CLNS1A: variants seen among roughly 807,000 people sequenced by gnomAD.
CLNS1A encodes chloride nucleotide-sensitive channel 1A, also known as methylosome subunit pICln.
In CLNS1A, 16 loss-of-function variants were observed where a neutral mutation model predicts 29.4. The observed-to-expected ratio is 0.54, with a 90% CI of 0.37 to 0.83. The LOEUF is 0.83. CLNS1A is among the 40% of genes least tolerant of loss of function. The pLI is 0.00. For missense variants in CLNS1A, 235 were observed against 287.4 expected, an observed-to-expected ratio of 0.82 and a Z score of 1.32; for synonymous variants, 96 against 104.8, an observed-to-expected ratio of 0.92 and a Z score of 0.51.
intron 4 of CLNS1A, among the ~76,000 whole-genome samples, chr11:77,623,874 T>C (rs1306519686): frequency 6.6e-6 from 1 of 152,200 alleles, no homozygotes; most frequent in Non-Finnish European, 1.5e-5. Flanking sequence ...CATTCTGGTC[T>C]GGGGGAGGCA....
At position 77,616,374 on chromosome 11, in the gene CLNS1A, C is replaced by G. The variant is rs1233349771; in HGVS notation, c.*344G>C. On this transcript the variant is annotated 3_prime_UTR_variant, in exon 7 of 7. Transcript: ENST00000525428. ...CCCCGCAGTCTACCAAGCTCCTGTG[C>G]ATTTTCACCACATAGATCTGCTAGC... 6.6e-6 allele frequency: 1 copy of G among 152,492 alleles called. No individual in the cohort carries two copies. The highest frequency in any genetic ancestry group is 6.5e-5 in the Admixed American group (1 of 15,280). 9.4% of individuals were successfully genotyped at this position (152,492 alleles called of 1,614,324 possible).
Position 77,614,981 on chromosome 11 carries a change from G to A in CLNS1A, c.*1737C>T, listed in dbSNP as rs545451541. 16 of 152,238 alleles carry A rather than the reference G, an allele frequency of 1.1e-4. No individual in the cohort carries two copies. The highest frequency in any genetic ancestry group is 3.6e-4 in the African/African-American group (15 of 41,516). 9.4% of individuals were successfully genotyped at this position (152,238 alleles called of 1,614,324 possible). ...CAGCTCAATCTTTGAAAGTCACTTA[G>A]TCTAATGAGGAAATAAGCCCAGAGA... On this transcript the variant is annotated 3_prime_UTR_variant, in exon 7 of 7. Transcript: ENST00000525428.
intron 5 of CLNS1A, chr11:77,621,791 G>T: frequency 3.0e-6 from 1 of 334,676 alleles, no homozygotes; most frequent in Non-Finnish European, 5.9e-6. Flanking sequence ...TGAAAATTGG[G>T]TGAAGGAGAT....
chr11:77,637,243 T>TAAAAAAAAAAAAAAAAAAAA (rs747109219), intron 1 of CLNS1A, among the ~76,000 whole-genome samples: 4 of 43,186 alleles, frequency 9.3e-5, no homozygotes, highest in African/African-American at 2.8e-4. Flanking sequence ...ATAGGCGAGT[T>TAAAAAAAAAAAAAAAAAAAA]AAAAAAAAAA....
intron 1 of CLNS1A, among the ~76,000 whole-genome samples, chr11:77,632,688 A>C (rs1959086448): frequency 6.6e-6 from 1 of 152,196 alleles, no homozygotes; most frequent in Admixed American, 6.5e-5. Flanking sequence ...CAGATTTACA[A>C]ATGCAAATCA....
At chr11:77,629,397 T>A (rs1190542794) in intron 2 of CLNS1A, among the ~76,000 whole-genome samples, 2 of 151,888 alleles carry the variant, frequency 1.3e-5, no homozygotes, top group Non-Finnish European at 2.9e-5. Context: ...ACTCTTTTTT[T>A]TCTTTTTTTT....
At chr11:77,629,683 C>T (rs1220544661) in intron 2 of CLNS1A, 80 bp downstream of exon 2, 16 of 1,426,396 alleles carry the variant, frequency 1.1e-5, no homozygotes, top group South Asian at 2.5e-5. Flanking sequence ...CGTGAGCCAC[C>T]GTGCCCGGCC....
In CLNS1A at chr11:77,629,807, C is replaced by T. The variant is rs1349252438; in HGVS notation, c.218G>A (p.Cys73Tyr). 2.5e-6 allele frequency: 4 copies of T among 1,613,604 alleles called. No homozygotes were observed. The South Asian group carries it at 3.3e-5, about 13-fold the overall frequency. The change falls in exon 2 of 7, where the codon TGT becomes TAT. Residue 73 changes from cysteine (C) to tyrosine (Y), a missense_variant. Cys to Tyr is a radical substitution (Grantham distance 194). Transcript: ENST00000525428. The part of the protein sequence containing the change: ...LHALSRDRSD[C>Y]LGEHLYVMVN... Reference sequence around the variant, plus strand: ...CATAACATACAAATGCTCTCCTAGACAGTCACTTCGGTCCCTGGATAATGC... The same window carrying T: ...CATAACATACAAATGCTCTCCTAGATAGTCACTTCGGTCCCTGGATAATGC...
intron 2 of CLNS1A, among the ~76,000 whole-genome samples, chr11:77,627,654 A>C (rs1288976750): frequency 6.6e-6 from 1 of 152,144 alleles, no homozygotes; most frequent in East Asian, 1.9e-4. Flanking sequence ...GCTTTTTCCT[A>C]GTTTAGGACT....
At position 77,616,296 on chromosome 11, in the gene CLNS1A, A is replaced by G. The variant is rs1452714253; in HGVS notation, c.*422T>C. On this transcript the variant is annotated 3_prime_UTR_variant, in exon 7 of 7. Transcript: ENST00000525428. The stretch of plus-strand genomic sequence containing the variant: ...GGCTGGAAATTAAAGGATACAACCT[A>G]AGAGGTTATAACAGCAGACTGGTAA... 1.3e-5 allele frequency: 2 copies of G among 152,210 alleles called. No individual in the cohort carries two copies. Among genetic ancestry groups the G allele is most frequent in the African/African-American group, 4.8e-5 (2 of 41,468 alleles). The allele number at this position is 152,210 out of a possible 1,614,324, so 9.4% of individuals were successfully genotyped here. A position where few individuals can be genotyped will look rare whatever the true frequency, so the allele number is the denominator to read the frequency against.
chr11:77,625,899 C>A, intron 2 of CLNS1A, 81 bp from the exon 3 acceptor site: 1 of 1,152,380 alleles, frequency 8.7e-7, no homozygotes, highest in South Asian at 1.5e-5. Flanking sequence ...TATTGCAATT[C>A]AATTTTAATT....
intron 5 of CLNS1A, 41 bp from the exon 6 acceptor site, chr11:77,619,736 C>A: frequency 7.5e-7 from 1 of 1,332,508 alleles, no homozygotes. Context: ...CCTATGAACA[C>A]TTCAGACAGG....
At chr11:77,629,467 C>A (rs1006517752) in intron 2 of CLNS1A, among the ~76,000 whole-genome samples, 2 of 151,424 alleles carry the variant, frequency 1.3e-5, no homozygotes, top group Non-Finnish European at 2.9e-5. Flanking sequence ...GATCTCGGCT[C>A]ACTACAAGCT....
rs778084905 is a variant in CLNS1A at position 77,637,745 on chromosome 11, G to T, written c.-31C>A. On this transcript the variant is annotated 5_prime_UTR_variant, in exon 1 of 7. Coordinates refer to ENST00000525428, the MANE Select transcript of CLNS1A (RefSeq NM_001293.3). ...CAGAGTGCGGCAACACAGGCCCTGA[G>T]GGAGTTGGAGCACAGCAATGCGTGC... 36 of 1,546,606 alleles carry T rather than the reference G, an allele frequency of 2.3e-5. No homozygotes were observed. Among genetic ancestry groups the T allele is most frequent in the African/African-American group, 5.5e-5 (4 of 73,006 alleles).
At chr11:77,629,439 G>T (rs1050645002) in intron 2 of CLNS1A, among the ~76,000 whole-genome samples, 3 of 151,118 alleles carry the variant, frequency 2.0e-5, no homozygotes, top group African/African-American at 7.3e-5. Flanking sequence ...TGTCGCCCAG[G>T]CTGGAGTGCA....
intron 4 of CLNS1A, among the ~76,000 whole-genome samples, chr11:77,623,295 T>TA (rs549575511): frequency 4.6e-5 from 7 of 152,100 alleles, no homozygotes; most frequent in Non-Finnish European, 7.4e-5. Context: ...GCTCCTTTCT[T>TA]AAAAAAAATC....
intron 2 of CLNS1A, among the ~76,000 whole-genome samples, chr11:77,626,055 C>T (rs551264338): frequency 1.3e-5 from 2 of 152,002 alleles, no homozygotes; most frequent in East Asian, 1.9e-4. Context: ...CGCGCCTCAC[C>T]GGGAATGAAT....
chr11:77,625,260 T>C lies in CLNS1A; in HGVS notation c.365-190A>G, dbSNP rs535053321. The C allele has an allele frequency of 3.0e-5, 17 of 570,054 alleles. No homozygotes were observed. In the East Asian group the frequency reaches 5.1e-4, roughly 17 times the overall value. 35.3% of individuals were successfully genotyped at this position (570,054 alleles called of 1,614,324 possible). ...ATAAGAGTTCATTATGAGAGATCAT[T>C]GCAATCTCTTCATGGCTCGTGGGAT... On this transcript the variant is annotated intron_variant, in intron 3 of 6. Coordinates refer to ENST00000525428, the MANE Select transcript of CLNS1A (RefSeq NM_001293.3).
chr11:77,621,571 A>G (rs779929087), intron 5 of CLNS1A, among the ~76,000 whole-genome samples: 38 of 152,310 alleles, frequency 2.5e-4, no homozygotes, highest in Admixed American at 1.3e-3. Flanking sequence ...TGAACCCAGG[A>G]GGCGGAGGTT....
Sources: allele counts gnomAD v4.1 joint callset (sites outside exome capture counted in the v4.1 genomes callset), GRCh38; gene constraint gnomAD v4.1.1; transcripts MANE v1.5; gene names NCBI Gene and HGNC (gene_info 2026-07-23, HGNC 2026-07-21).